Variants in SUGCT observed in about 807,000 individuals in gnomAD.
SUGCT encodes succinyl-CoA:glutarate CoA-transferase.
Under a neutral mutation model 55.0 loss-of-function variants are expected in SUGCT, and 41 were observed. That is an observed-to-expected ratio of 0.74 (90% CI 0.58 to 0.97). The LOEUF is 0.97. Among genes scored for constraint, SUGCT ranks in the 50% least tolerant of loss-of-function variants. The probability of loss-of-function intolerance (pLI) is 0.00; values close to 1 mark genes in which losing one functional copy is unlikely to be tolerated. For missense variants in SUGCT, 568 were observed against 547.8 expected, an observed-to-expected ratio of 1.04 and a Z score of -0.37; for synonymous variants, 187 against 200.4, an observed-to-expected ratio of 0.93 and a Z score of 0.56.
the SUGCT span, among the ~76,000 whole-genome samples, chr7:41,010,334 C>A: frequency 6.6e-6 from 1 of 152,232 alleles, no homozygotes; most frequent in Middle Eastern, 3.4e-3. Flanking sequence ...ACAAGCTTTG[C>A]CCAAATAATT....
chr7:40,585,250 G>C (rs1030752815), intron 12 of SUGCT, among the ~76,000 whole-genome samples: 2 of 152,198 alleles, frequency 1.3e-5, no homozygotes, highest in Non-Finnish European at 2.9e-5. Context: ...TCATAACCTT[G>C]TGCCAGAGGG....
At chr7:40,916,091 AC>A in the SUGCT span, among the ~76,000 whole-genome samples, 1 of 140,528 alleles carries the variant, frequency 7.1e-6, no homozygotes, top group African/African-American at 2.8e-5. Context: ...ACACACACAC[AC>A]ACACACACAC....
At chr7:40,565,559 A>G (rs977095608) in intron 12 of SUGCT, among the ~76,000 whole-genome samples, 1 of 152,122 alleles carries the variant, frequency 6.6e-6, no homozygotes. Context: ...TTAGATGGAA[A>G]CCCTATTCAT....
intron 6 of SUGCT, among the ~76,000 whole-genome samples, chr7:40,224,693 G>A (rs80252811): frequency 0.038 from 5,803 of 152,180 alleles, 350 homozygotes; most frequent in African/African-American, 0.13. Context: ...TACTGTAAAT[G>A]GCAAAAATAT....
intron 12 of SUGCT, among the ~76,000 whole-genome samples, chr7:40,588,154 G>A (rs1208480608): frequency 1.3e-5 from 2 of 151,708 alleles, no homozygotes; most frequent in African/African-American, 4.8e-5. Flanking sequence ...TGCCCGCCTC[G>A]GCCTCCCAAA....
intron 6 of SUGCT, among the ~76,000 whole-genome samples, chr7:40,201,326 C>A (rs1021016347): frequency 2.6e-5 from 4 of 152,126 alleles, no homozygotes; most frequent in Non-Finnish European, 5.9e-5. Flanking sequence ...TAGTCTAGTT[C>A]ATCTGGCGAT....
the SUGCT span, among the ~76,000 whole-genome samples, chr7:40,905,532 C>A: frequency 9.9e-5 from 15 of 151,988 alleles, no homozygotes; most frequent in Non-Finnish European, 1.8e-4. Context: ...TCATATAACG[C>A]CATTTATTTT....
chr7:40,628,933 G>A (rs916381349), intron 12 of SUGCT, among the ~76,000 whole-genome samples: 24 of 152,012 alleles, frequency 1.6e-4, no homozygotes, highest in Non-Finnish European at 1.5e-5. Context: ...GTAGAGATGG[G>A]GTTTCACCAT....
the SUGCT span, among the ~76,000 whole-genome samples, chr7:41,030,009 A>G: frequency 6.6e-6 from 1 of 152,210 alleles, no homozygotes; most frequent in South Asian, 2.1e-4. Flanking sequence ...GGACTCATAC[A>G]GAATGCAGCC....
In SUGCT at chr7:40,181,887, T is replaced by C. The variant is rs1231434645; in HGVS notation, c.153-68T>C. On this transcript the variant is annotated intron_variant, in intron 2 of 13. Transcript: ENST00000335693. ...TGAGCGTGTCTGTGTTGACGGGTTGTTGGAAAATAATTAATATAAACATTT... is the reference window on the plus strand; with the variant it reads ...TGAGCGTGTCTGTGTTGACGGGTTGCTGGAAAATAATTAATATAAACATTT... The C allele has an allele frequency of 6.1e-5, 62 of 1,015,924 alleles. No individual in the cohort carries two copies. The East Asian group carries it at 1.6e-3, about 26-fold the overall frequency. The allele number at this position is 1,015,924 out of a possible 1,614,324, so 62.9% of individuals were successfully genotyped here.
At chr7:40,479,965 C>T (rs1790932195) in intron 11 of SUGCT, among the ~76,000 whole-genome samples, 4 of 152,036 alleles carry the variant, frequency 2.6e-5, no homozygotes, top group Admixed American at 2.6e-4. Flanking sequence ...TCATTCTGTA[C>T]ATCATCTCTT....
chr7:40,994,338 A>G, the SUGCT span, among the ~76,000 whole-genome samples: 2 of 152,158 alleles, frequency 1.3e-5, no homozygotes, highest in African/African-American at 4.8e-5. Flanking sequence ...TACCCACAAA[A>G]TCTAATGTAT....
intron 12 of SUGCT, among the ~76,000 whole-genome samples, chr7:40,497,280 T>C (rs1792035083): frequency 6.6e-6 from 1 of 152,298 alleles, no homozygotes; most frequent in Non-Finnish European, 1.5e-5. Context: ...AATACACCTT[T>C]TGAGGGAGGA....
At chr7:40,529,044 A>G (rs185918191) in intron 12 of SUGCT, among the ~76,000 whole-genome samples, 1 of 152,230 alleles carries the variant, frequency 6.6e-6, no homozygotes, top group African/African-American at 2.4e-5. Context: ...TGGACAGAAC[A>G]CATGGGAAAT....
intron 8 of SUGCT, among the ~76,000 whole-genome samples, chr7:40,315,099 G>A (rs747281204): frequency 1.5e-5 from 2 of 129,710 alleles, no homozygotes; most frequent in Non-Finnish European, 3.5e-5. Flanking sequence ...TGAATACGAG[G>A]GTTCTGCTTT....
chr7:40,157,751 C>A (rs1783967258), intron 1 of SUGCT, among the ~76,000 whole-genome samples: 1 of 152,146 alleles, frequency 6.6e-6, no homozygotes, highest in Non-Finnish European at 1.5e-5. Flanking sequence ...GTAAATGCTT[C>A]TGTAGGATGT....
the SUGCT span, among the ~76,000 whole-genome samples, chr7:40,958,521 A>G: frequency 6.6e-6 from 1 of 151,644 alleles, no homozygotes; most frequent in Non-Finnish European, 1.5e-5. Context: ...CAGGTCATTT[A>G]TGTTCTTCTC....
the SUGCT span, among the ~76,000 whole-genome samples, chr7:40,975,980 T>C: frequency 1.3e-5 from 2 of 152,158 alleles, no homozygotes; most frequent in African/African-American, 4.8e-5. Flanking sequence ...GTCTGTGTCA[T>C]CTAGTTCCAA....
At chr7:40,654,746 C>A (rs1442555532) in intron 12 of SUGCT, among the ~76,000 whole-genome samples, 1 of 152,068 alleles carries the variant, frequency 6.6e-6, no homozygotes, top group Non-Finnish European at 1.5e-5. Flanking sequence ...CTTGTTCCAC[C>A]ACTTTGGGTC....
Sources: gnomAD v4.1 joint callset for allele counts (sites outside exome capture counted in the v4.1 genomes callset) on GRCh38, gnomAD v4.1.1 for gene constraint, MANE v1.5 for transcripts, NCBI Gene and HGNC (gene_info 2026-07-23, HGNC 2026-07-21) for gene names.